The following IL1RAPL2 variants were observed in gnomAD, a reference collection of about 807,000 sequenced individuals.
IL1RAPL2 encodes the protein X-linked interleukin-1 receptor accessory protein-like 2.
Under a neutral mutation model 44.1 loss-of-function variants are expected in IL1RAPL2, and 3 were observed. The observed-to-expected ratio is 0.07, with a 90% CI of 0.03 to 0.18. The LOEUF is 0.18. IL1RAPL2 is among the 10% of genes least tolerant of loss of function. The pLI, the probability that IL1RAPL2 is intolerant of heterozygous loss-of-function variation, is 1.00. For synonymous variants in IL1RAPL2, 181 were observed against 178.8 expected, an observed-to-expected ratio of 1.01 and a Z score of -0.10; for missense variants, 391 against 496.4, an observed-to-expected ratio of 0.79 and a Z score of 2.02.
At chrX:104,927,725 G>T (rs1244864504) in intron 2 of IL1RAPL2, among the ~76,000 whole-genome samples, 1 of 111,515 alleles carries the variant, frequency 9.0e-6, no homozygotes, top group Non-Finnish European at 1.9e-5. Context: ...TTTTAGAGTG[G>T]CCTGCCGTAG....
intron 6 of IL1RAPL2, among the ~76,000 whole-genome samples, chrX:105,538,990 G>C (rs757332192): frequency 1.8e-4 from 20 of 110,534 alleles, no homozygotes; most frequent in Admixed American, 9.7e-4. Flanking sequence ...CCAAGGAGGT[G>C]AAAGATCTCT....
chrX:104,632,616 A>G (rs1178674735), intron 1 of IL1RAPL2, among the ~76,000 whole-genome samples: 1 of 107,080 alleles, frequency 9.3e-6, no homozygotes, highest in Non-Finnish European at 1.9e-5. Flanking sequence ...TGTGAATGGG[A>G]GTTCACTCAT....
At chrX:104,686,128 G>A (rs756340442) in intron 2 of IL1RAPL2, among the ~76,000 whole-genome samples, 26 of 110,919 alleles carry the variant, frequency 2.3e-4, no homozygotes, top group Admixed American at 1.6e-3. Flanking sequence ...GGGGTCTTTA[G>A]TTCTGCTTTT....
chrX:104,840,639 G>A (rs1384827458), intron 2 of IL1RAPL2, among the ~76,000 whole-genome samples: 2 of 109,149 alleles, frequency 1.8e-5, no homozygotes, highest in African/African-American at 3.3e-5. Context: ...CTGTCTCATT[G>A]ATCTAATATT....
intron 5 of IL1RAPL2, among the ~76,000 whole-genome samples, chrX:105,292,187 A>G (rs972917966): frequency 2.7e-5 from 3 of 112,340 alleles, no homozygotes; most frequent in Non-Finnish European, 5.6e-5. Context: ...TATTTTCCAG[A>G]TAACCAATGT....
At chrX:104,846,707 T>A (rs748358468) in intron 2 of IL1RAPL2, among the ~76,000 whole-genome samples, 2 of 112,265 alleles carry the variant, frequency 1.8e-5, no homozygotes, top group African/African-American at 3.2e-5. Context: ...TTTGGGTATA[T>A]ACCCAGTAAT....
chrX:105,097,330 CAAAAAA>C (rs201390547), intron 2 of IL1RAPL2, among the ~76,000 whole-genome samples: 1 of 43,197 alleles, frequency 2.3e-5, no homozygotes, highest in East Asian at 7.2e-4. Context: ...CAGTGTCAGA[CAAAAAA>C]AAAAAAAAAA....
chrX:104,723,370 C>A (rs1434626554), intron 2 of IL1RAPL2, among the ~76,000 whole-genome samples: 1 of 110,665 alleles, frequency 9.0e-6, no homozygotes, highest in Non-Finnish European at 1.9e-5. Flanking sequence ...CTGTTACTAA[C>A]CCTTGGAAAT....
intron 6 of IL1RAPL2, among the ~76,000 whole-genome samples, chrX:105,552,636 A>G (rs1156795413): frequency 2.7e-5 from 3 of 111,811 alleles, no homozygotes; most frequent in Admixed American, 9.6e-5. Flanking sequence ...TCTGCTGGCT[A>G]TATGCTGAAT....
intron 6 of IL1RAPL2, among the ~76,000 whole-genome samples, chrX:105,518,238 C>T (rs942689940): frequency 9.0e-6 from 1 of 110,672 alleles, no homozygotes; most frequent in African/African-American, 3.3e-5. Context: ...CAAATAACCT[C>T]TATGAAACTC....
At chrX:105,008,427 A>AT (rs749776445) in intron 2 of IL1RAPL2, among the ~76,000 whole-genome samples, 14 of 110,003 alleles carry the variant, frequency 1.3e-4, no homozygotes, top group East Asian at 1.2e-3. Context: ...CAAAAAGAGA[A>AT]TTTTTTTTTC....
intron 2 of IL1RAPL2, among the ~76,000 whole-genome samples, chrX:104,748,710 T>C (rs1445827664): frequency 9.0e-6 from 1 of 111,439 alleles, no homozygotes; most frequent in Non-Finnish European, 1.9e-5. Flanking sequence ...GAATGAACCA[T>C]CTTCAGAGTA....
At chrX:105,013,885 T>G (rs1277566631) in intron 2 of IL1RAPL2, among the ~76,000 whole-genome samples, 9 of 112,029 alleles carry the variant, frequency 8.0e-5, no homozygotes, top group Non-Finnish European at 5.7e-5. Flanking sequence ...AAGTGTTACA[T>G]GTATTTGTTT....
At chrX:105,564,889 T>TG (rs913263756) in intron 6 of IL1RAPL2, among the ~76,000 whole-genome samples, 23 of 112,057 alleles carry the variant, frequency 2.1e-4, no homozygotes, top group African/African-American at 7.1e-4. Flanking sequence ...AAGGCTTTGA[T>TG]TTTTTCTGAA....
intron 5 of IL1RAPL2, among the ~76,000 whole-genome samples, chrX:105,476,490 G>A (rs2036198197): frequency 9.0e-6 from 1 of 111,697 alleles, no homozygotes; most frequent in African/African-American, 3.3e-5. Context: ...TAATTCTGGG[G>A]ATCACTGGTT....
At chrX:105,104,758 A>G (rs1475112171) in intron 2 of IL1RAPL2, among the ~76,000 whole-genome samples, 1 of 112,227 alleles carries the variant, frequency 8.9e-6, no homozygotes, top group African/African-American at 3.2e-5. Flanking sequence ...TTCACATCCC[A>G]GTGGCTGAAA....
chrX:105,533,781 T>C (rs1027486320), intron 6 of IL1RAPL2, among the ~76,000 whole-genome samples: 1 of 112,323 alleles, frequency 8.9e-6, no homozygotes, highest in African/African-American at 3.2e-5. Flanking sequence ...ATTAATAGTT[T>C]GTTCCTTTTT....
chrX:105,195,605 G>T lies in IL1RAPL2; in HGVS notation c.213G>T (p.Gly71=), dbSNP rs2033666759. 12 of 1,211,980 alleles carry T rather than the reference G, an allele frequency of 9.9e-6. No individual in the cohort carries two copies. The highest frequency in any genetic ancestry group is 1.2e-5 in the Non-Finnish European group (11 of 895,551). Residue 71 remains glycine, a synonymous_variant, in exon 3 of 11, where the codon GGG becomes GGT. Transcript: ENST00000372582. Reference sequence around the variant, plus strand: ...ACTATAGCACGGCCCAGAGCACTGGGCTCAGGCTTATGTGGTACAAAAACA... The same window carrying T: ...ACTATAGCACGGCCCAGAGCACTGGTCTCAGGCTTATGTGGTACAAAAACA... ...RTNYSTAQST[G]LRLMWYKNKG...
chrX:105,690,684 A>G (rs1407014009), intron 6 of IL1RAPL2, among the ~76,000 whole-genome samples: 4 of 112,179 alleles, frequency 3.6e-5, no homozygotes, highest in Admixed American at 2.8e-4. Context: ...TAGAAATTCA[A>G]TTTCCTTATT....
Sources: gnomAD v4.1 joint callset for allele counts (sites outside exome capture counted in the v4.1 genomes callset) on GRCh38, gnomAD v4.1.1 for gene constraint, MANE v1.5 for transcripts, NCBI Gene and HGNC (gene_info 2026-07-23, HGNC 2026-07-21) for gene names.